Variants in CAST observed in about 807,000 individuals in gnomAD.
CAST encodes calpastatin.
A neutral mutation model predicts 119.6 loss-of-function variants in CAST; 76 were observed. That is an observed-to-expected ratio of 0.64 (90% CI 0.53 to 0.77). The LOEUF is 0.77. Ranked by LOEUF, CAST falls within the 30% of genes least tolerant of loss-of-function variation. CAST has a pLI of 0.00. For missense variants in CAST, 953 were observed against 946.5 expected, an observed-to-expected ratio of 1.01 and a Z score of -0.09; for synonymous variants, 319 against 331.6, an observed-to-expected ratio of 0.96 and a Z score of 0.41.
the CAST span, chr5:96,393,187 C>G: frequency 2.2e-4 from 353 of 1,614,150 alleles, 4 homozygotes; most frequent in South Asian, 3.7e-3. Context: ...GGATGTTGAG[C>G]TTTGCACTTG....
At chr5:96,450,823 AGG>A in the CAST span, among the ~76,000 whole-genome samples, 2 of 152,300 alleles carry the variant, frequency 1.3e-5, no homozygotes, top group East Asian at 3.9e-4. Context: ...GCCTCAGCAC[AGG>A]TCTATTTTCA....
At chr5:96,475,945 C>T in the CAST span, among the ~76,000 whole-genome samples, 1 of 152,190 alleles carries the variant, frequency 6.6e-6, no homozygotes, top group Non-Finnish European at 1.5e-5. Context: ...GTCAGTGGAT[C>T]TAAGACTCCA....
At chr5:96,400,099 C>G in the CAST span, 1 of 1,614,172 alleles carries the variant, frequency 6.2e-7, no homozygotes, top group Non-Finnish European at 8.5e-7. Context: ...CTGCTCCATT[C>G]TTTTTCCATC....
At chr5:96,386,176 A>T in the CAST span, among the ~76,000 whole-genome samples, 100 of 152,050 alleles carry the variant, frequency 6.6e-4, no homozygotes, top group East Asian at 0.019. Context: ...TGCTTTAGAA[A>T]TTTTTTTTTG....
the CAST span, among the ~76,000 whole-genome samples, chr5:95,982,029 ATGG>A: frequency 6.6e-6 from 1 of 151,830 alleles, no homozygotes; most frequent in Non-Finnish European, 1.5e-5. Context: ...ATGCAAACCC[ATGG>A]TTTTGATATT....
the CAST span, among the ~76,000 whole-genome samples, chr5:95,996,378 T>C: frequency 2.6e-5 from 4 of 152,206 alleles, no homozygotes; most frequent in African/African-American, 9.7e-5. Flanking sequence ...ATGATAACTT[T>C]CCTGATTCTG....
chr5:96,298,178 G>A, the CAST span, among the ~76,000 whole-genome samples: 2 of 152,192 alleles, frequency 1.3e-5, no homozygotes, highest in Non-Finnish European at 1.5e-5. Flanking sequence ...CTTCTCTGTA[G>A]CAATGGTGCA....
At chr5:96,596,307 G>C (rs932500595) in intron 1 of CAST, among the ~76,000 whole-genome samples, 3 of 152,138 alleles carry the variant, frequency 2.0e-5, no homozygotes, top group Non-Finnish European at 4.4e-5. Context: ...CTGGAGCAAT[G>C]TGTTTTGGAG....
At chr5:96,315,156 G>A in the CAST span, among the ~76,000 whole-genome samples, 1 of 152,100 alleles carries the variant, frequency 6.6e-6, no homozygotes, top group East Asian at 1.9e-4. Context: ...CTGTGATACG[G>A]GTATAAGTAA....
the CAST span, among the ~76,000 whole-genome samples, chr5:96,043,165 G>A: frequency 3.3e-5 from 5 of 152,144 alleles, no homozygotes; most frequent in African/African-American, 1.2e-4. Flanking sequence ...AACTCAAAAT[G>A]TATCATGATA....
At chr5:96,421,804 TATATG>T in the CAST span, 1 of 840,108 alleles carries the variant, frequency 1.2e-6, no homozygotes, top group Non-Finnish European at 2.1e-6. Flanking sequence ...GTGGATGAAA[TATATG>T]GTATAATTTT....
chr5:96,398,362 C>G, the CAST span, among the ~76,000 whole-genome samples: 1 of 152,204 alleles, frequency 6.6e-6, no homozygotes, highest in Non-Finnish European at 1.5e-5. Flanking sequence ...TTCCCATCCA[C>G]TATCTTATCT....
the CAST span, among the ~76,000 whole-genome samples, chr5:96,043,938 CA>C: frequency 1.8e-4 from 28 of 152,082 alleles, no homozygotes; most frequent in African/African-American, 6.5e-4. Flanking sequence ...AAGCACCTTT[CA>C]AAAAAATTCA....
At chr5:96,265,760 A>G in the CAST span, among the ~76,000 whole-genome samples, 2 of 152,170 alleles carry the variant, frequency 1.3e-5, no homozygotes, top group African/African-American at 2.4e-5. Context: ...TGTAGTACAC[A>G]CTGTGGTTTC....
At chr5:96,398,380 T>C in the CAST span, among the ~76,000 whole-genome samples, 1 of 152,230 alleles carries the variant, frequency 6.6e-6, no homozygotes, top group Admixed American at 6.5e-5. Flanking sequence ...TCTGAATTAG[T>C]GCCCTCGCAG....
the CAST span, among the ~76,000 whole-genome samples, chr5:96,191,038 T>C: frequency 6.6e-6 from 1 of 152,224 alleles, no homozygotes; most frequent in Non-Finnish European, 1.5e-5. Flanking sequence ...GCTGCAACCA[T>C]GTTGTTTCAA....
At chr5:96,415,234 A>G in the CAST span, among the ~76,000 whole-genome samples, 1 of 152,132 alleles carries the variant, frequency 6.6e-6, no homozygotes, top group East Asian at 1.9e-4. Context: ...CAGCCAACTG[A>G]AGACACCAGC....
chr5:96,091,083 G>A, the CAST span, among the ~76,000 whole-genome samples: 9 of 152,100 alleles, frequency 5.9e-5, no homozygotes, highest in East Asian at 1.2e-3. Context: ...ACTTATTGCC[G>A]TCTGTTTGTA....
the CAST span, among the ~76,000 whole-genome samples, chr5:95,994,529 A>G: frequency 1.3e-5 from 2 of 152,090 alleles, no homozygotes; most frequent in East Asian, 3.8e-4. Context: ...GAAATATTCT[A>G]TGACTTGATT....
Sources: allele counts gnomAD v4.1 joint callset (sites outside exome capture counted in the v4.1 genomes callset), GRCh38; gene constraint gnomAD v4.1.1; transcripts MANE v1.5; gene names NCBI Gene and HGNC (gene_info 2026-07-23, HGNC 2026-07-21).